The following MYH10 variants were observed in gnomAD, a reference collection of about 807,000 sequenced individuals.
The protein encoded by MYH10 is myosin-10.
A neutral mutation model predicts 257.8 loss-of-function variants in MYH10; 55 were observed. The ratio of observed to expected loss-of-function variants is 0.21; its 90% confidence interval spans 0.17 to 0.27. The LOEUF is 0.27. Among genes scored for constraint, MYH10 ranks in the 10% least tolerant of loss-of-function variants. The pLI is 1.00. For synonymous variants in MYH10, 854 were observed against 921.7 expected, an observed-to-expected ratio of 0.93 and a Z score of 1.33; for missense variants, 1,631 against 2,500.6, an observed-to-expected ratio of 0.65 and a Z score of 7.42.
intron 40 of MYH10, 95 bp downstream of exon 40, chr17:8,480,015 C>A: frequency 8.2e-7 from 1 of 1,220,810 alleles, no homozygotes; most frequent in South Asian, 1.4e-5. Flanking sequence ...TCTCTGCCCA[C>A]GTGGTGGGGA....
chr17:8,486,643 G>A (rs1380164592), intron 36 of MYH10, among the ~76,000 whole-genome samples: 1 of 149,512 alleles, frequency 6.7e-6, no homozygotes, highest in Non-Finnish European at 1.5e-5. Context: ...TTTTTTCTAG[G>A]TATAGTATGT....
chr17:8,511,031 T>TATAC lies in MYH10; in HGVS notation c.2953-1083_2953-1082insGTAT, dbSNP rs1181467728. On this transcript the variant is annotated intron_variant, in intron 24 of 42. Transcript: ENST00000360416. ...CATGTACCCCATATATATATATATA[T>TATAC]ATATATATATATATATATATATATA... 18 of 5,108 alleles carry TATAC rather than the reference T, an allele frequency of 3.5e-3. 1 individual carries two copies. In the South Asian group the frequency reaches 0.041, roughly 12 times the overall value. 0.3% of individuals were successfully genotyped at this position (5,108 alleles called of 1,614,324 possible).
intron 3 of MYH10, among the ~76,000 whole-genome samples, chr17:8,593,636 T>A (rs1273153780): frequency 6.6e-6 from 1 of 152,156 alleles, no homozygotes; most frequent in Non-Finnish European, 1.5e-5. Context: ...TCTGATGAAG[T>A]ATACGCAACA....
chr17:8,506,239 G>A lies in MYH10; in HGVS notation c.3386+79C>T. The A allele has an allele frequency of 1.4e-6, 2 of 1,420,128 alleles. No homozygotes were observed. The highest frequency in any genetic ancestry group is 1.9e-6 in the Non-Finnish European group (2 of 1,076,054). 88.0% of individuals were successfully genotyped at this position (1,420,128 alleles called of 1,614,324 possible). On this transcript the variant is annotated intron_variant, in intron 27 of 42. Transcript: ENST00000360416. The surrounding 1 kb of genome is among the most constrained non-coding windows in gnomAD (Gnocchi z 5.0). ...CCCATCTCACTCTCCCAGGGTTTTT[G>A]AATGCTCCCGAACATAACAAAGTCT...
At position 8,518,713 on chromosome 17, in the gene MYH10, G is replaced by A. The variant is rs749683184; in HGVS notation, c.2422C>T (p.His808Tyr). ...KIFFRAGVLA[H>Y]LEEERDLKIT... Reference sequence around the variant, plus strand: ...TTTAAATCTCTTTCTTCCTCTAAGTGTGCCAGAACTCCAGCTCTGAAAAAT... The same window carrying A: ...TTTAAATCTCTTTCTTCCTCTAAGTATGCCAGAACTCCAGCTCTGAAAAAT... The change falls in exon 21 of 43, where the codon CAC (histidine) becomes TAC (tyrosine). Residue 808 changes from histidine to tyrosine, a missense_variant. This residue lies in a region of MYH10 where 116 missense variants were observed against 221.6 expected (regional missense o/e 0.52). Transcript: ENST00000360416. The A allele has an allele frequency of 1.2e-6, 2 of 1,614,102 alleles. No homozygotes were observed. The highest frequency in any genetic ancestry group is 3.3e-5 in the Admixed American group (2 of 60,016).
intron 7 of MYH10, among the ~76,000 whole-genome samples, chr17:8,568,658 A>G (rs2083238928): frequency 6.6e-6 from 1 of 152,134 alleles, no homozygotes. Context: ...TCCTTCTTCA[A>G]TCTAACAGTG....
intron 35 of MYH10, among the ~76,000 whole-genome samples, chr17:8,488,917 T>C (rs1915312897): frequency 6.6e-6 from 1 of 152,196 alleles, no homozygotes; most frequent in African/African-American, 2.4e-5. Context: ...CTACAAATTC[T>C]TTAATACTCC....
Position 8,492,279 on chromosome 17 carries a change from G to A in MYH10, c.4671+18C>T. On this transcript the variant is annotated intron_variant, in intron 34 of 42. Transcript: ENST00000360416. ...ATACTCTCCCGTGCGGAAGTGTGGA[G>A]CCCACCAGGCGACTTACGTTTTTTC... 6.2e-7 allele frequency: 1 copy of A among 1,607,994 alleles called. No homozygotes were observed. Among genetic ancestry groups the A allele is most frequent in the Non-Finnish European group, 8.5e-7 (1 of 1,178,852 alleles).
chr17:8,481,888 C>G (rs1377224205), intron 37 of MYH10, among the ~76,000 whole-genome samples: 1 of 152,198 alleles, frequency 6.6e-6, no homozygotes, highest in Non-Finnish European at 1.5e-5. Context: ...TCAATGCTCC[C>G]ATGGAGAGGA....
chr17:8,475,917 G>C lies in MYH10; in HGVS notation c.5911C>G (p.Arg1971Gly). The C allele has an allele frequency of 6.2e-7, 1 of 1,614,020 alleles. No individual in the cohort carries two copies. The highest frequency in any genetic ancestry group is 8.5e-7 in the Non-Finnish European group (1 of 1,180,026). Residue 1971 changes from arginine (R) to glycine (G), a missense_variant, in exon 43 of 43, where the codon CGA becomes GGA. Arg to Gly is a moderately radical substitution (Grantham distance 125). Transcript: ENST00000360416. ...AGGTGCAGCTGGCGCCGGCCAGATC[G>C]GCTGGAAGAGAAGCTGATGGGGCCA... ...RGGPISFSSS[R>G]SGRRQLHLEG...
In MYH10 at chr17:8,512,576, T is replaced by C; in HGVS notation, c.2827A>G (p.Arg943Gly). Reference protein sequence around the residue: ...LFAEAEEMRARLAAKKQELEE... With the variant: ...LFAEAEEMRAGLAAKKQELEE... ...AATTCCTGCTTTTTAGCAGCAAGTC[T>C]TGCCCTCATCTCTTCTGCTTCAGCA... The change falls in exon 24 of 43, where the codon AGA becomes GGA. Residue 943 changes from arginine to glycine, a missense_variant. Arg to Gly is a moderately radical substitution (Grantham distance 125). This residue lies in a region of MYH10 where 116 missense variants were observed against 221.6 expected (regional missense o/e 0.52). Transcript: ENST00000360416. The C allele has an allele frequency of 6.2e-7, 1 of 1,613,798 alleles. No homozygotes were observed. Among genetic ancestry groups the C allele is most frequent in the Non-Finnish European group, 8.5e-7 (1 of 1,179,992 alleles).
intron 14 of MYH10, among the ~76,000 whole-genome samples, chr17:8,538,513 T>C (rs1484302803): frequency 6.6e-6 from 1 of 152,132 alleles, no homozygotes; most frequent in Non-Finnish European, 1.5e-5. Flanking sequence ...CCTGGCCATG[T>C]TTTTATTTTT....
Position 8,487,547 on chromosome 17 carries a change from C to T in MYH10, c.4932G>A (p.Ala1644=), listed in dbSNP as rs560094600. The T allele has an allele frequency of 8.7e-5, 140 of 1,614,206 alleles. No individual in the cohort carries two copies. The Middle Eastern group carries it at 1.3e-3, about 15-fold the overall frequency. ...TCTTTTTCTTTGAAGCTACAGCAAG[C>T]GCCCGCTGTTTCCTCTCATCCTCCA... is the stretch of plus-strand genomic sequence containing the variant. ...AELEDERKQR[A]LAVASKKKME... Residue 1644 remains alanine, a synonymous_variant, in exon 36 of 43, where the codon GCG becomes GCA. Coordinates refer to ENST00000360416, the MANE Select transcript of MYH10 (RefSeq NM_001256012.3).
chr17:8,500,718 G>A (rs1917390318), intron 29 of MYH10, 108 bp downstream of exon 29: 1 of 1,364,074 alleles, frequency 7.3e-7, no homozygotes, highest in African/African-American at 1.5e-5. Context: ...GACGTACAGA[G>A]GCTGGAGCCT....
intron 4 of MYH10, among the ~76,000 whole-genome samples, chr17:8,586,390 T>C (rs1055594367): frequency 3.9e-5 from 6 of 152,108 alleles, no homozygotes; most frequent in African/African-American, 1.4e-4. Context: ...ATAAACAGTA[T>C]AAGAAGGACT....
At chr17:8,510,527 G>A (rs2081232883) in intron 24 of MYH10, among the ~76,000 whole-genome samples, 1 of 152,112 alleles carries the variant, frequency 6.6e-6, no homozygotes, top group Non-Finnish European at 1.5e-5. Flanking sequence ...ACAGTGATAA[G>A]TTATTTATAA....
rs2081366351 is a variant in MYH10, at chr17:8,513,552, G to A, written c.2731C>T (p.Arg911Trp). 6.2e-7 allele frequency: 1 copy of A among 1,613,928 alleles called. No individual in the cohort carries two copies. Among genetic ancestry groups the A allele is most frequent in the Non-Finnish European group, 8.5e-7 (1 of 1,179,920 alleles). The change falls in exon 23 of 43, where the codon CGG becomes TGG. Residue 911 changes from arginine to tryptophan, a missense_variant. By Grantham distance (101) the Arg-to-Trp change is moderately radical. Transcript: ENST00000360416. ...KVEGELEEME[R>W]KHQQLLEEKN... ...ACTGCACACACCTGCTGGTGCTTCC[G>A]CTCCATCTCCTCCAGCTCTCCTTCC... is the stretch of plus-strand genomic sequence containing the variant.
intron 34 of MYH10, among the ~76,000 whole-genome samples, chr17:8,491,001 G>A (rs563183235): frequency 1.0e-3 from 153 of 152,302 alleles, no homozygotes; most frequent in African/African-American, 3.4e-3. Context: ...GGGTGGCTTG[G>A]GCCTAAGAAG....
rs1025120829 is a variant in MYH10 at position 8,569,194 on chromosome 17, G to A, written c.756+526C>T. Among the ~76,000 whole-genome samples, 42 of 148,608 alleles carry A rather than the reference G, an allele frequency of 2.8e-4. No individual in the cohort carries two copies. Among genetic ancestry groups the A allele is most frequent in the African/African-American group, 1.0e-3 (42 of 40,268 alleles). ...CTATGACTGTGCCACTGCACTCCAG[G>A]CTGGGTGACAGAGCAAGACCCTGTC... is the stretch of plus-strand genomic sequence containing the variant. On this transcript the variant is annotated intron_variant, in intron 7 of 42. Coordinates refer to ENST00000360416, the MANE Select transcript of MYH10 (RefSeq NM_001256012.3). The surrounding 1 kb of genome is among the most constrained non-coding windows in gnomAD (Gnocchi z 4.1).
Sources: gnomAD v4.1 joint callset for allele counts (sites outside exome capture counted in the v4.1 genomes callset) on GRCh38, gnomAD v4.1.1 for gene constraint, gnomAD v4.1.1 regional missense constraint, Gnocchi (gnomAD v3.1) non-coding constraint, MANE v1.5 for transcripts, NCBI Gene and HGNC (gene_info 2026-07-23, HGNC 2026-07-21) for gene names.